The following AHCTF1 variants were observed in gnomAD, a reference collection of about 807,000 sequenced individuals.
The protein encoded by AHCTF1 is AT-hook containing transcription factor 1, also known as protein ELYS.
Under a neutral mutation model 248.4 loss-of-function variants are expected in AHCTF1, and 24 were observed. The ratio of observed to expected loss-of-function variants is 0.10; its 90% CI spans 0.07 to 0.14. AHCTF1 has a LOEUF of 0.14. AHCTF1 is among the 10% of genes least tolerant of loss of function. The pLI is 1.00. For missense variants in AHCTF1, 2,206 were observed against 2,636.2 expected (o/e 0.84, Z 3.57); for synonymous variants, 786 against 929.8 (o/e 0.85, Z 2.81).
chr1:246,854,585 G>T (rs905037295), intron 31 of AHCTF1, among the ~76,000 whole-genome samples: 1 of 152,128 alleles, frequency 6.6e-6, no homozygotes, highest in African/African-American at 2.4e-5. Flanking sequence ...CATGAGAAAA[G>T]AAAGTTGCTT....
chr1:246,846,552 T>C (rs1261622544), intron 33 of AHCTF1, among the ~76,000 whole-genome samples: 1 of 152,136 alleles, frequency 6.6e-6, no homozygotes, highest in East Asian at 1.9e-4. Context: ...CCAAGTTTCT[T>C]ATCCCTTCCA....
At chr1:246,899,775 TA>T (rs1664864319) in intron 10 of AHCTF1, among the ~76,000 whole-genome samples, 1 of 152,038 alleles carries the variant, frequency 6.6e-6, no homozygotes, top group South Asian at 2.1e-4. Context: ...AAAGCTACTA[TA>T]AAATGCACCA....
intron 1 of AHCTF1, chr1:246,931,105 T>C (rs1189415025): frequency 2.6e-6 from 4 of 1,547,522 alleles, no homozygotes; most frequent in African/African-American, 1.4e-5. Flanking sequence ...CGAGTCCAAC[T>C]TCTTCCCCGC....
intron 5 of AHCTF1, 107 bp downstream of exon 5, chr1:246,907,444 T>C: frequency 1.0e-6 from 1 of 969,350 alleles, no homozygotes; most frequent in South Asian, 1.8e-5. Flanking sequence ...ATCATTAATC[T>C]ACCCACCCTT....
At chr1:246,901,048 G>A (rs1664960497) in intron 8 of AHCTF1, among the ~76,000 whole-genome samples, 1 of 152,158 alleles carries the variant, frequency 6.6e-6, no homozygotes, top group Non-Finnish European at 1.5e-5. Context: ...TGGGGAATAA[G>A]AGAGAGCATG....
chr1:246,849,495 T>C (rs1417072243), intron 33 of AHCTF1, 120 bp downstream of exon 33: 27 of 1,276,016 alleles, frequency 2.1e-5, no homozygotes, highest in Non-Finnish European at 2.8e-5. Context: ...AAAAGATCAA[T>C]TTTGGTTTGA....
At chr1:246,862,224 T>G in intron 27 of AHCTF1, 71 bp from the exon 28 acceptor site, 1 of 1,200,804 alleles carries the variant, frequency 8.3e-7, no homozygotes, top group Admixed American at 2.5e-5. Context: ...CTCACGCCTG[T>G]AATCCCTGCA....
chr1:246,843,797 G>C lies in AHCTF1; in HGVS notation c.6523C>G (p.Leu2175Val). The part of the protein sequence containing the change: ...TSNKNKLEDE[L>V]KDDAQSVETL... ...AAATAAAATCATGCATTTCTTACCA[G>C]TTCATCTTCAAGCTTGTTCTTATTG... The change falls in exon 34 of 36, where the codon CTG becomes GTG. Residue 2175 changes from leucine to valine, a missense_variant and splice_region_variant. Around this residue, in one of 6 missense-constraint regions of AHCTF1, gnomAD observed 469 missense variants for 470.0 expected, o/e 1.00. Coordinates refer to ENST00000648844, the MANE Select transcript of AHCTF1 (RefSeq NM_001323342.2). 2 of 1,422,378 alleles carry C rather than the reference G, an allele frequency of 1.4e-6. No homozygotes were observed. Among genetic ancestry groups the C allele is most frequent in the Non-Finnish European group, 1.8e-6 (2 of 1,083,226 alleles). The allele number at this position is 1,422,378 out of a possible 1,614,324, so 88.1% of individuals were successfully genotyped here.
At chr1:246,887,613 T>C (rs1177560025) in intron 19 of AHCTF1, among the ~76,000 whole-genome samples, 3 of 152,230 alleles carry the variant, frequency 2.0e-5, no homozygotes, top group Non-Finnish European at 4.4e-5. Context: ...CGTATTTTTA[T>C]GAAGTCAGTA....
At chr1:246,889,712 C>T (rs145223994) in intron 17 of AHCTF1, among the ~76,000 whole-genome samples, 3 of 152,262 alleles carry the variant, frequency 2.0e-5, no homozygotes, top group Non-Finnish European at 4.4e-5. Context: ...TCGAGGAAGA[C>T]GACTATTTCC....
At chr1:246,907,389 T>C (rs1036207155) in intron 5 of AHCTF1, among the ~76,000 whole-genome samples, 162 bp downstream of exon 5, 3 of 152,242 alleles carry the variant, frequency 2.0e-5, no homozygotes, top group Non-Finnish European at 4.4e-5. Flanking sequence ...GGTATTCACA[T>C]TGATTTAATG....
intron 33 of AHCTF1, among the ~76,000 whole-genome samples, chr1:246,846,732 A>G (rs746543111): frequency 4.0e-5 from 6 of 151,784 alleles, no homozygotes; most frequent in Admixed American, 1.3e-4. Flanking sequence ...ATATATATAC[A>G]TATACATATA....
At position 246,853,202 on chromosome 1, in the gene AHCTF1, C is replaced by A. The variant is rs931967771; in HGVS notation, c.4452G>T (p.Leu1484=). ...SERRLNQEVA[L]NLKEDHEVEV... is the part of the protein sequence containing the mutation. ...CTACTTCATGATCTTCTTTTAAGTTCAGCGCTACTTCCTGGTTAAGCCTGC... is the reference window on the plus strand; with the variant it reads ...CTACTTCATGATCTTCTTTTAAGTTAAGCGCTACTTCCTGGTTAAGCCTGC... Residue 1484 remains leucine, a synonymous_variant, in exon 32 of 36, where the codon CTG becomes CTT. Transcript: ENST00000648844. 3 of 1,613,400 alleles carry A rather than the reference C, an allele frequency of 1.9e-6. No individual in the cohort carries two copies. In the African/African-American group the frequency reaches 4.0e-5, roughly 22 times the overall value.
In AHCTF1 at chr1:246,857,707, G is replaced by A; in HGVS notation, c.4240C>T (p.Pro1414Ser). 1.2e-6 allele frequency: 2 copies of A among 1,612,846 alleles called. No individual in the cohort carries two copies. The highest frequency in any genetic ancestry group is 2.2e-5 in the East Asian group (1 of 44,852). ...VQGTEASLCAPSVYEGKIFTQ... is the reference protein window; with the variant it reads ...VQGTEASLCASSVYEGKIFTQ... ...TTAACTTACCCTTCATAGACTGATG[G>A]TGCACAAAGAGAAGCTTCAGTTCCT... The change falls in exon 30 of 36, where the codon CCA (proline) becomes TCA (serine). Residue 1414 changes from proline (P) to serine (S), a missense_variant. Physicochemically the swap from Pro to Ser is moderately conservative, Grantham distance 74. This residue lies in a region of AHCTF1 where 955 missense variants were observed against 1,055.6 expected (regional missense o/e 0.90). Coordinates refer to ENST00000648844, the MANE Select transcript of AHCTF1 (RefSeq NM_001323342.2).
In AHCTF1 at chr1:246,877,320, C is replaced by T. The variant is rs1663047853; in HGVS notation, c.2661-18G>A. On this transcript the variant is annotated intron_variant, in intron 21 of 35. Transcript: ENST00000648844. ...CCATACACCTGAAAGCAGTATTTAT[C>T]AAAGTTTAGTTTTAGAAAAAGCTAT... 1 of 1,541,114 alleles carries T rather than the reference C, an allele frequency of 6.5e-7. No individual in the cohort carries two copies. Among genetic ancestry groups the T allele is most frequent in the South Asian group, 1.3e-5 (1 of 79,350 alleles).
Position 246,840,001 on chromosome 1 carries a change from A to G in AHCTF1, c.*805T>C, listed in dbSNP as rs191491397. 595 of 152,582 alleles carry G rather than the reference A, an allele frequency of 3.9e-3. 5 individuals are homozygous for G. The highest frequency in any genetic ancestry group is 6.0e-3 in the Non-Finnish European group (409 of 68,028). The allele number at this position is 152,582 out of a possible 1,614,324, so 9.5% of individuals were successfully genotyped here. On this transcript the variant is annotated 3_prime_UTR_variant, in exon 36 of 36. Coordinates refer to ENST00000648844, the MANE Select transcript of AHCTF1 (RefSeq NM_001323342.2). Reference sequence around the variant, plus strand: ...AGCTCCTTCACAGCAATATTATAAAAATTTGTTCAGACATCTCATCCTATC... The same window carrying G: ...AGCTCCTTCACAGCAATATTATAAAGATTTGTTCAGACATCTCATCCTATC...
intron 4 of AHCTF1, among the ~76,000 whole-genome samples, chr1:246,911,479 C>CCT (rs1553303044): frequency 1.0e-5 from 1 of 99,490 alleles, no homozygotes; most frequent in Non-Finnish European, 1.9e-5. Context: ...TATGAAGATT[C>CCT]TTTTTTTTTT....
intron 1 of AHCTF1, among the ~76,000 whole-genome samples, chr1:246,929,280 G>A (rs1054865565): frequency 3.3e-5 from 5 of 152,060 alleles, no homozygotes; most frequent in African/African-American, 7.2e-5. Flanking sequence ...GTGGCGGCGC[G>A]TTCCTGTAGT....
chr1:246,896,123 T>C (rs888734685), intron 12 of AHCTF1, among the ~76,000 whole-genome samples, 198 bp from the exon 13 acceptor site: 2 of 152,162 alleles, frequency 1.3e-5, no homozygotes, highest in East Asian at 3.8e-4. Flanking sequence ...CTGGTGGGAA[T>C]GTAAAATGGA....
Sources: allele counts gnomAD v4.1 joint callset (sites outside exome capture counted in the v4.1 genomes callset), GRCh38; gene constraint gnomAD v4.1.1; regional missense constraint gnomAD v4.1.1; transcripts MANE v1.5; gene names NCBI Gene and HGNC (gene_info 2026-07-23, HGNC 2026-07-21).